The following KDR variants were observed in gnomAD, a reference collection of about 807,000 sequenced individuals.
The protein encoded by KDR is vascular endothelial growth factor receptor 2.
Under a neutral mutation model 160.9 loss-of-function variants are expected in KDR, and 43 were observed. The observed-to-expected ratio is 0.27, with a 90% CI of 0.21 to 0.34. KDR has a LOEUF of 0.34. Among genes scored for constraint, KDR ranks in the 10% least tolerant of loss-of-function variants. The pLI is 1.00. For synonymous variants in KDR, 617 were observed against 600.1 expected (o/e 1.03, Z -0.41); for missense variants, 1,469 against 1,666.4 (o/e 0.88, Z 2.06).
chr4:55,104,842 T>C lies in KDR; in HGVS notation c.1788A>G (p.Gly596=). ...TCTTGCAAACAGGTGTGGGCAACTC[T>C]CCCACATGGATTGGCAGAGGCTGTG... is the stretch of plus-strand genomic sequence containing the variant. The part of the protein sequence containing the change: ...LGPQPLPIHV[G]ELPTPVCKNL... Residue 596 remains glycine, a synonymous_variant, in exon 13 of 30, where the codon GGA becomes GGG. Transcript: ENST00000263923. 1 of 1,613,960 alleles carries C rather than the reference T, an allele frequency of 6.2e-7. No homozygotes were observed. Among genetic ancestry groups the C allele is most frequent in the Non-Finnish European group, 8.5e-7 (1 of 1,179,892 alleles).
chr4:55,090,849 CTT>C (rs61138010), intron 22 of KDR, among the ~76,000 whole-genome samples: 17,785 of 82,808 alleles, frequency 0.21, 407 homozygotes, highest in African/African-American at 0.25. Context: ...TAGAAGAAAA[CTT>C]TTTTTTTTTT....
At position 55,105,912 on chromosome 4, in the gene KDR, G is replaced by A; in HGVS notation, c.1565C>T (p.Ala522Val). ...KTVSTLVIQA[A>V]NVSALYKCEA... ...ACATTTGTACAAAGCTGACACATTT[G>A]CCGCTTGGATAACAAGGGTACTTAC... is the stretch of plus-strand genomic sequence containing the variant. The change falls in exon 12 of 30, where the codon GCA becomes GTA. Residue 522 changes from alanine (A) to valine (V), a missense_variant. Transcript: ENST00000263923. 6.2e-7 allele frequency: 1 copy of A among 1,613,344 alleles called. No individual in the cohort carries two copies. The highest frequency in any genetic ancestry group is 8.5e-7 in the Non-Finnish European group (1 of 1,179,424).
intron 10 of KDR, among the ~76,000 whole-genome samples, chr4:55,107,372 T>G (rs895553735): frequency 3.3e-5 from 5 of 152,152 alleles, no homozygotes; most frequent in African/African-American, 1.2e-4. Flanking sequence ...TATCAGCATT[T>G]CCTCTGAGAG....
chr4:55,093,273 T>A (rs1449538667), intron 21 of KDR, among the ~76,000 whole-genome samples: 2 of 152,214 alleles, frequency 1.3e-5, no homozygotes, highest in Non-Finnish European at 2.9e-5. Context: ...TGTTTTTTCC[T>A]GAGAGATAAC....
Position 55,082,772 on chromosome 4 carries a change from A to G in KDR, c.3663-137T>C. On this transcript the variant is annotated intron_variant, in intron 27 of 29. Coordinates refer to ENST00000263923, the MANE Select transcript of KDR (RefSeq NM_002253.4). ...TTTAGAAAAACAAAACAAAATAAAA[A>G]TCTTTCTCTGCTAGCACACATGGAA... 4.3e-6 allele frequency: 3 copies of G among 691,034 alleles called. No homozygotes were observed. The South Asian group carries it at 5.0e-5, about 11-fold the overall frequency. The allele number at this position is 691,034 out of a possible 1,614,324, so 42.8% of individuals were successfully genotyped here.
intron 3 of KDR, among the ~76,000 whole-genome samples, chr4:55,115,748 CATT>C (rs1414648089): frequency 1.3e-5 from 2 of 152,162 alleles, no homozygotes; most frequent in East Asian, 3.9e-4. Flanking sequence ...AAAGATTAAT[CATT>C]ATAATTTTTT....
At chr4:55,121,232 T>G (rs1720866201) in intron 1 of KDR, 42 bp from the exon 2 acceptor site, 3 of 1,390,150 alleles carry the variant, frequency 2.2e-6, no homozygotes, top group Non-Finnish European at 3.1e-6. Flanking sequence ...GCCACTGAGT[T>G]AGACCTAATA....
At position 55,080,024 on chromosome 4, in the gene KDR, T is replaced by C. The variant is rs142258660; in HGVS notation, c.3988A>G (p.Ile1330Val). ...CTACCGGTTTGCACTCCAATCTCTA[T>C]CAGCTTTAAAAGTTCTGCTTCCTCA... is the stretch of plus-strand genomic sequence containing the variant. Reference protein sequence around the residue: ...SSEEAELLKLIEIGVQTGSTA... With the variant: ...SSEEAELLKLVEIGVQTGSTA... Residue 1330 changes from isoleucine to valine, a missense_variant, in exon 30 of 30, where the codon ATA (isoleucine) becomes GTA (valine). Physicochemically the swap from Ile to Val is conservative, Grantham distance 29. Around this residue, in one of 7 missense-constraint regions of KDR, gnomAD observed 229 missense variants for 197.8 expected, o/e 1.16. Transcript: ENST00000263923. 2 of 1,614,160 alleles carry C rather than the reference T, an allele frequency of 1.2e-6. No homozygotes were observed. Among genetic ancestry groups the C allele is most frequent in the Admixed American group, 1.7e-5 (1 of 60,026 alleles).
In KDR at chr4:55,078,953, C is replaced by A; in HGVS notation, c.*988G>T. The A allele has an allele frequency of 4.3e-6, 1 of 233,232 alleles. No individual in the cohort carries two copies. Among genetic ancestry groups the A allele is most frequent in the Non-Finnish European group, 8.5e-6 (1 of 118,060 alleles). 14.4% of individuals were successfully genotyped at this position (233,232 alleles called of 1,614,324 possible). A position where few individuals can be genotyped will look rare whatever the true frequency, so the allele number is the denominator to read the frequency against. ...AGTGGGTTGGGGACAGGGGGAAGAA[C>A]AAAAGGGTAAAATCCTTCCTGAAAC... On this transcript the variant is annotated 3_prime_UTR_variant, in exon 30 of 30. Transcript: ENST00000263923.
chr4:55,090,727 T>A (rs1391321473), intron 22 of KDR, among the ~76,000 whole-genome samples: 3 of 152,192 alleles, frequency 2.0e-5, no homozygotes, highest in African/African-American at 7.2e-5. Context: ...GTTTCTCCTT[T>A]CTCTGTATCC....
chr4:55,086,619 T>C (rs931935876), intron 27 of KDR, among the ~76,000 whole-genome samples: 5 of 152,250 alleles, frequency 3.3e-5, no homozygotes, highest in Admixed American at 2.0e-4. Flanking sequence ...ATATGCCTAA[T>C]GCTTTTGACT....
chr4:55,082,342 G>C (rs1012908228), intron 28 of KDR, among the ~76,000 whole-genome samples, 194 bp downstream of exon 28: 5 of 152,112 alleles, frequency 3.3e-5, no homozygotes, highest in African/African-American at 1.2e-4. Flanking sequence ...AAGCTACACT[G>C]TCTTGAACCT....
chr4:55,104,517 AAG>A, intron 13 of KDR, 124 bp downstream of exon 13: 10 of 763,982 alleles, frequency 1.3e-5, no homozygotes, highest in South Asian at 1.2e-4. Flanking sequence ...ACTTTCGGTG[AAG>A]AAGTGTGCAC....
chr4:55,123,239 T>C (rs1205771035), intron 1 of KDR, among the ~76,000 whole-genome samples: 4 of 152,140 alleles, frequency 2.6e-5, no homozygotes, highest in Admixed American at 6.5e-5. Flanking sequence ...TGGGGAACAC[T>C]AGGTTGAGAA....
chr4:55,097,971 C>T (rs368494785), intron 17 of KDR, among the ~76,000 whole-genome samples, 166 bp downstream of exon 17: 2 of 151,982 alleles, frequency 1.3e-5, no homozygotes, highest in East Asian at 3.9e-4. Context: ...ACATAGGGAC[C>T]CTACCTCTAA....
chr4:55,121,081 T>C lies in KDR; in HGVS notation c.161+16A>G, dbSNP rs1001731973. 3 of 1,542,650 alleles carry C rather than the reference T, an allele frequency of 1.9e-6. No homozygotes were observed. In the African/African-American group the frequency reaches 4.1e-5, roughly 21 times the overall value. On this transcript the variant is annotated intron_variant, in intron 2 of 29. Coordinates refer to ENST00000263923, the MANE Select transcript of KDR (RefSeq NM_002253.4). ...TTACTTAACACAAGAAATCTAGATC[T>C]AGAATGAATCCTTACCTGCAAGTAA...
At chr4:55,103,277 T>C (rs919183706) in intron 13 of KDR, among the ~76,000 whole-genome samples, 8 of 152,218 alleles carry the variant, frequency 5.3e-5, no homozygotes, top group African/African-American at 1.9e-4. Context: ...GGAAATATCT[T>C]GTCCCAACCA....
At position 55,087,706 on chromosome 4, in the gene KDR, T is replaced by C. The variant is rs774791565; in HGVS notation, c.3563A>G (p.Glu1188Gly). ...LPISETLSME[E>G]DSGLSLPTSP... ...GGTAGGCAGAGAGAGTCCAGAATCCTCTTCCATGCTCAAAGTCTCTGATAT... is the reference window on the plus strand; with the variant it reads ...GGTAGGCAGAGAGAGTCCAGAATCCCCTTCCATGCTCAAAGTCTCTGATAT... Residue 1188 changes from glutamate (E) to glycine (G), a missense_variant, in exon 27 of 30, where the codon GAG (glutamate) becomes GGG (glycine). By Grantham distance (98) the Glu-to-Gly change is moderately conservative. This residue lies in a region of KDR where 132 missense variants were observed against 195.9 expected (regional missense o/e 0.67). Transcript: ENST00000263923. The C allele has an allele frequency of 1.2e-6, 2 of 1,614,130 alleles. No individual in the cohort carries two copies. The highest frequency in any genetic ancestry group is 2.2e-5 in the East Asian group (1 of 44,886).
rs371810978 is a variant in KDR at position 55,107,734 on chromosome 4, C to T, written c.1412+3G>A. The T allele has an allele frequency of 1.4e-5, 22 of 1,613,780 alleles. No homozygotes were observed. Among genetic ancestry groups the T allele is most frequent in the Non-Finnish European group, 1.8e-5 (21 of 1,179,852 alleles). ...AAAGCAAAGAGCATGTGGCCTTACT[C>T]ACCTGGGCTCGTTGGCGCACTCTTC... On this transcript the variant is annotated splice_donor_region_variant and intron_variant, in intron 10 of 29. Transcript: ENST00000263923.
Sources: allele counts gnomAD v4.1 joint callset (sites outside exome capture counted in the v4.1 genomes callset), GRCh38; gene constraint gnomAD v4.1.1; regional missense constraint gnomAD v4.1.1; transcripts MANE v1.5; gene names NCBI Gene and HGNC (gene_info 2026-07-23, HGNC 2026-07-21).